Variants in SNAPC1 observed in about 807,000 individuals in gnomAD.
SNAPC1 encodes small nuclear RNA activating complex polypeptide 1, also known as snRNA-activating protein complex subunit 1.
SNAPC1 carries 42 observed loss-of-function variants against 50.1 expected under a neutral mutation model. The observed-to-expected ratio is 0.84, with a 90% CI of 0.65 to 1.08. The LOEUF (loss-of-function observed/expected upper bound fraction) is 1.08, where lower values mean the gene tolerates loss of function less well. SNAPC1 is among the 50% of genes least tolerant of loss of function. The probability of loss-of-function intolerance (pLI) is 0.00; values close to 1 mark genes in which losing one functional copy is unlikely to be tolerated. For missense variants in SNAPC1, 477 were observed against 427.3 expected (o/e 1.12, Z -1.02); for synonymous variants, 164 against 144.2 (o/e 1.14, Z -0.98).
intron 4 of SNAPC1, among the ~76,000 whole-genome samples, chr14:61,769,371 C>A (rs2044971489): frequency 6.7e-6 from 1 of 148,380 alleles, no homozygotes; most frequent in South Asian, 2.2e-4. Context: ...ACAAAAAAAC[C>A]AATGTGCATT....
intron 7 of SNAPC1, 50 bp from the exon 8 acceptor site, chr14:61,782,197 A>G: frequency 7.5e-7 from 1 of 1,327,200 alleles, no homozygotes; most frequent in South Asian, 1.4e-5. Flanking sequence ...CAATTTTATC[A>G]TTTGGATTCA....
intron 8 of SNAPC1, among the ~76,000 whole-genome samples, chr14:61,784,865 G>T (rs1380466596): frequency 6.6e-6 from 1 of 152,156 alleles, no homozygotes; most frequent in Admixed American, 6.5e-5. Flanking sequence ...TTAGATAAGA[G>T]AGTGAAGGGA....
In SNAPC1 at chr14:61,795,604, A is replaced by G. The variant is rs576983263; in HGVS notation, c.*621A>G. 2.0e-5 allele frequency: 3 copies of G among 152,368 alleles called. No individual in the cohort carries two copies. The South Asian group carries it at 6.2e-4, about 32-fold the overall frequency. 9.4% of individuals were successfully genotyped at this position (152,368 alleles called of 1,614,324 possible). ...ACTAAATACTAATTAAGTACTAACA[A>G]GTACTTAAATACTAATGTATTAAGT... On this transcript the variant is annotated 3_prime_UTR_variant, in exon 10 of 10. Coordinates refer to ENST00000216294, the MANE Select transcript of SNAPC1 (RefSeq NM_003082.4).
At chr14:61,781,894 G>A (rs902194688) in intron 7 of SNAPC1, among the ~76,000 whole-genome samples, 9 of 152,222 alleles carry the variant, frequency 5.9e-5, no homozygotes, top group Non-Finnish European at 1.2e-4. Flanking sequence ...GGAGCCAAGC[G>A]TGAAGTACTT....
intron 8 of SNAPC1, among the ~76,000 whole-genome samples, chr14:61,791,086 A>G (rs2045149224): frequency 6.6e-6 from 1 of 152,050 alleles, no homozygotes. Flanking sequence ...ATCTCGGCTC[A>G]CTGCAACCTC....
rs147563698 is a variant in SNAPC1, at chr14:61,766,156, C to A, written c.129-720C>A. On this transcript the variant is annotated intron_variant, in intron 1 of 9. Coordinates refer to ENST00000216294, the MANE Select transcript of SNAPC1 (RefSeq NM_003082.4). ...TAAAGAAATCAGTGTATTTTATGTT[C>A]TTAGCTCCCACAATTTAGCCTAAAT... is the stretch of plus-strand genomic sequence containing the variant. 2.4e-3 allele frequency among the ~76,000 whole-genome samples: 358 copies of A among 152,298 alleles called. 7 individuals carry two copies. The highest frequency in any genetic ancestry group is 0.019 in the Admixed American group (290 of 15,296).
chr14:61,774,648 A>ATTTCTTTTTTTTTTTTTTTTTTTTTTT (rs1172798543), intron 4 of SNAPC1, among the ~76,000 whole-genome samples: 1 of 90,968 alleles, frequency 1.1e-5, no homozygotes. Flanking sequence ...TCAGTTTCTC[A>ATTTCTTTTTTTTTTTTTTTTTTTTTTT]TTTTTTTTTT....
chr14:61,762,479 C>G lies in SNAPC1; in HGVS notation c.19C>G (p.Leu7Val), dbSNP rs1365350659. The G allele has an allele frequency of 3.3e-6, 4 of 1,203,296 alleles. No individual in the cohort carries two copies. Among genetic ancestry groups the G allele is most frequent in the Non-Finnish European group, 4.4e-6 (4 of 901,776 alleles). 74.5% of individuals were successfully genotyped at this position (1,203,296 alleles called of 1,614,324 possible). A position where few individuals can be genotyped will look rare whatever the true frequency, so the allele number is the denominator to read the frequency against. Reference protein sequence around the residue: MGTPPGLQTDCEALLSR... With the variant: MGTPPGVQTDCEALLSR... ...GGGTGCCATGGGGACTCCTCCCGGC[C>G]TGCAGACCGACTGCGAGGCGCTGCT... is the stretch of plus-strand genomic sequence containing the variant. Residue 7 changes from leucine (L) to valine (V), a missense_variant, in exon 1 of 10, where the codon CTG (leucine) becomes GTG (valine). Transcript: ENST00000216294.
intron 1 of SNAPC1, among the ~76,000 whole-genome samples, chr14:61,766,148 T>G (rs2140173899): frequency 6.6e-6 from 1 of 152,376 alleles, no homozygotes; most frequent in Non-Finnish European, 1.5e-5. Flanking sequence ...ATCAGTGTAT[T>G]TTATGTTCTT....
At chr14:61,764,345 C>G (rs776227298) in intron 1 of SNAPC1, among the ~76,000 whole-genome samples, 4 of 152,150 alleles carry the variant, frequency 2.6e-5, no homozygotes, top group Non-Finnish European at 5.9e-5. Context: ...CTCATTTTCT[C>G]TCTGTCAGTG....
intron 8 of SNAPC1, among the ~76,000 whole-genome samples, chr14:61,784,617 C>A (rs1449417371): frequency 6.6e-6 from 1 of 152,230 alleles, no homozygotes; most frequent in African/African-American, 2.4e-5. Flanking sequence ...TACCAACACA[C>A]ACTAGTGTGG....
chr14:61,766,657 T>G (rs1323818223), intron 1 of SNAPC1, among the ~76,000 whole-genome samples: 1 of 152,238 alleles, frequency 6.6e-6, no homozygotes, highest in Non-Finnish European at 1.5e-5. Flanking sequence ...CTCTTCAATT[T>G]GGCAAGTAAA....
chr14:61,776,452 T>C (rs1429530989), intron 5 of SNAPC1, among the ~76,000 whole-genome samples, 199 bp downstream of exon 5: 3 of 151,364 alleles, frequency 2.0e-5, no homozygotes, highest in Non-Finnish European at 4.4e-5. Flanking sequence ...GGAGTATATA[T>C]GTATTTTCTT....
intron 7 of SNAPC1, among the ~76,000 whole-genome samples, chr14:61,779,408 T>A (rs1024947056): frequency 6.6e-6 from 1 of 152,050 alleles, no homozygotes; most frequent in Non-Finnish European, 1.5e-5. Flanking sequence ...CAGCTTTTCT[T>A]ATTTTTCTCT....
intron 3 of SNAPC1, 128 bp from the exon 4 acceptor site, chr14:61,768,508 C>A: frequency 3.5e-6 from 2 of 571,376 alleles, no homozygotes; most frequent in Non-Finnish European, 6.2e-6. Context: ...AACAGATGTA[C>A]CCTTACAGCT....
rs2045185284 is a variant in SNAPC1 at position 61,795,798 on chromosome 14, ATGT to A, written c.*820_*822del. 6.7e-6 allele frequency: 1 copy of A among 150,284 alleles called. No homozygotes were observed. Among genetic ancestry groups the A allele is most frequent in the South Asian group, 2.1e-4 (1 of 4,806 alleles). The allele number at this position is 150,284 out of a possible 1,614,324, so 9.3% of individuals were successfully genotyped here. A position where few individuals can be genotyped will look rare whatever the true frequency, so the allele number is the denominator to read the frequency against. On this transcript the variant is annotated 3_prime_UTR_variant, in exon 10 of 10. Coordinates refer to ENST00000216294, the MANE Select transcript of SNAPC1 (RefSeq NM_003082.4). ...CATTTTAATAGAGATTGCTTGAGCCATGTTGTTTGAATTGCTGCCAATAGCAGA... is the reference window on the plus strand; with the variant it reads ...CATTTTAATAGAGATTGCTTGAGCCATGTTTGAATTGCTGCCAATAGCAGA...
intron 4 of SNAPC1, among the ~76,000 whole-genome samples, chr14:61,769,980 ATTTTC>A (rs1055976620): frequency 1.3e-5 from 2 of 152,126 alleles, no homozygotes; most frequent in African/African-American, 4.8e-5. Context: ...GTGCTTTTAA[ATTTTC>A]TTTAAGCCTA....
At position 61,767,288 on chromosome 14, in the gene SNAPC1, C is replaced by G. The variant is rs749043067; in HGVS notation, c.365C>G (p.Ala122Gly). ...QDLVNAQHFD[A>G]AYIFRKLRLD... The stretch of plus-strand genomic sequence containing the variant: ...TTAGTAAATGCACAGCATTTTGATG[C>G]AGCTTATATTTTTAGGAAGCTACGA... The change falls in exon 3 of 10, where the codon GCA becomes GGA. Residue 122 changes from alanine to glycine, a missense_variant. By Grantham distance (60) the Ala-to-Gly change is moderately conservative. Transcript: ENST00000216294. The G allele has an allele frequency of 4.6e-6, 7 of 1,527,856 alleles. No individual in the cohort carries two copies. Among genetic ancestry groups the G allele is most frequent in the Admixed American group, 2.0e-5 (1 of 50,178 alleles). 94.6% of individuals were successfully genotyped at this position (1,527,856 alleles called of 1,614,324 possible).
At chr14:61,769,717 T>G (rs150619209) in intron 4 of SNAPC1, among the ~76,000 whole-genome samples, 14 of 152,312 alleles carry the variant, frequency 9.2e-5, no homozygotes, top group African/African-American at 3.1e-4. Context: ...GTTTTAACAT[T>G]TATTTTAAAA....
Sources: allele counts gnomAD v4.1 joint callset (sites outside exome capture counted in the v4.1 genomes callset), GRCh38; gene constraint gnomAD v4.1.1; transcripts MANE v1.5; gene names NCBI Gene and HGNC (gene_info 2026-07-23, HGNC 2026-07-21).